The following COG5 variants were observed in gnomAD, a reference collection of about 807,000 sequenced individuals.
COG5 encodes the protein component of oligomeric golgi complex 5.
COG5 carries 86 observed loss-of-function variants against 110.4 expected under a neutral mutation model. That is an observed-to-expected ratio of 0.78 (90% CI 0.65 to 0.93). COG5 has a LOEUF of 0.93. COG5 is among the 40% of genes least tolerant of loss of function. The pLI is 0.00. For synonymous variants in COG5, 360 were observed against 334.6 expected (o/e 1.08, Z -0.83); for missense variants, 1,077 against 987.0 (o/e 1.09, Z -1.22).
chr7:107,236,756 C>T (rs1801224224), intron 17 of COG5, 69 bp from the exon 18 acceptor site: 7 of 963,314 alleles, frequency 7.3e-6, no homozygotes, highest in Non-Finnish European at 1.0e-5. Flanking sequence ...TTGTACCCCT[C>T]TCCCCACCAA....
chr7:107,364,382 G>A (rs771281570), intron 8 of COG5, among the ~76,000 whole-genome samples: 1 of 152,100 alleles, frequency 6.6e-6, no homozygotes. Flanking sequence ...TTTCAGTCAG[G>A]GGAAATCAAC....
intron 6 of COG5, among the ~76,000 whole-genome samples, chr7:107,517,741 A>G (rs1364956915): frequency 6.7e-6 from 1 of 149,268 alleles, no homozygotes; most frequent in Non-Finnish European, 1.5e-5. Context: ...TCTGTCGCCC[A>G]GGCTGCAGTG....
chr7:107,246,080 T>TG (rs1802033647), intron 17 of COG5, among the ~76,000 whole-genome samples: 1 of 152,194 alleles, frequency 6.6e-6, no homozygotes, highest in Non-Finnish European at 1.5e-5. Flanking sequence ...GACCATCTGA[T>TG]CTTCAACAAT....
intron 7 of COG5, among the ~76,000 whole-genome samples, chr7:107,391,708 T>A (rs202216928): frequency 4.6e-5 from 7 of 152,164 alleles, no homozygotes; most frequent in African/African-American, 1.7e-4. Context: ...GTGGGAGGAA[T>A]CTGCATTTTT....
intron 21 of COG5, among the ~76,000 whole-genome samples, chr7:107,205,446 T>G (rs1798699548): frequency 6.6e-6 from 1 of 152,188 alleles, no homozygotes; most frequent in Admixed American, 6.5e-5. Flanking sequence ...CCAAGTAATG[T>G]GCAAAGCATA....
At chr7:107,355,398 A>G (rs1413306678) in intron 10 of COG5, among the ~76,000 whole-genome samples, 1 of 152,230 alleles carries the variant, frequency 6.6e-6, no homozygotes, top group Admixed American at 6.5e-5. Context: ...TACAGTCAGC[A>G]AGCGCAACTC....
intron 14 of COG5, among the ~76,000 whole-genome samples, chr7:107,273,134 G>C (rs1343020839): frequency 6.6e-6 from 1 of 152,134 alleles, no homozygotes; most frequent in African/African-American, 2.4e-5. Context: ...ACTGCTGGTA[G>C]CTGGTGTCAC....
intron 6 of COG5, among the ~76,000 whole-genome samples, chr7:107,487,849 T>C (rs1797739882): frequency 6.6e-6 from 1 of 152,108 alleles, no homozygotes; most frequent in Non-Finnish European, 1.5e-5. Context: ...TGGCATTATG[T>C]CCATAATGTA....
chr7:107,370,242 C>T (rs1236594345), intron 8 of COG5, among the ~76,000 whole-genome samples: 3 of 152,058 alleles, frequency 2.0e-5, no homozygotes, highest in Non-Finnish European at 4.4e-5. Flanking sequence ...GAGCCATTCA[C>T]TCTCAGAAAC....
At chr7:107,390,734 A>G (rs1471926025) in intron 7 of COG5, among the ~76,000 whole-genome samples, 2 of 149,004 alleles carry the variant, frequency 1.3e-5, no homozygotes, top group Admixed American at 6.7e-5. Flanking sequence ...AATTATACTC[A>G]TGATTGTCTT....
intron 21 of COG5, 168 bp downstream of exon 21, chr7:107,210,358 C>T (rs1398289473): frequency 2.1e-6 from 3 of 1,436,590 alleles, no homozygotes; most frequent in Middle Eastern, 2.6e-4. Context: ...CCAACATTTC[C>T]AACTGCTGGT....
chr7:107,516,900 A>G (rs144443815), intron 6 of COG5, among the ~76,000 whole-genome samples: 1 of 152,222 alleles, frequency 6.6e-6, no homozygotes, highest in African/African-American at 2.4e-5. Flanking sequence ...AGATGAGGAA[A>G]AACCAGTGAA....
chr7:107,537,555 G>A (rs1198089870), intron 5 of COG5, among the ~76,000 whole-genome samples: 1 of 152,056 alleles, frequency 6.6e-6, no homozygotes, highest in Non-Finnish European at 1.5e-5. Flanking sequence ...CATGGACACA[G>A]GGAGGGGAAT....
At chr7:107,242,211 A>G (rs1801698172) in intron 17 of COG5, among the ~76,000 whole-genome samples, 5 of 152,210 alleles carry the variant, frequency 3.3e-5, no homozygotes, top group Admixed American at 3.3e-4. Context: ...CCAGGTACTC[A>G]GGGACTAATC....
rs751386696 is a variant in COG5, at chr7:107,410,519, C to G, written c.669+1983G>C. Among the ~76,000 whole-genome samples, 17 of 152,042 alleles carry G rather than the reference C, an allele frequency of 1.1e-4. No homozygotes were observed. In the East Asian group the frequency reaches 1.9e-3, roughly 17 times the overall value. On this transcript the variant is annotated intron_variant, in intron 7 of 21. Transcript: ENST00000297135. ...GTGTGATGGCAGGATCTCGGCTCACCGCAACCTCCGGCTCCTGGGTTTAAG... is the reference window on the plus strand; with the variant it reads ...GTGTGATGGCAGGATCTCGGCTCACGGCAACCTCCGGCTCCTGGGTTTAAG...
chr7:107,305,280 C>A (rs1403484038), intron 11 of COG5, among the ~76,000 whole-genome samples: 1 of 152,202 alleles, frequency 6.6e-6, no homozygotes, highest in Non-Finnish European at 1.5e-5. Context: ...AGTCAGCCTT[C>A]ATAGCTTAAT....
At chr7:107,248,642 C>T in intron 16 of COG5, 143 bp from the exon 17 acceptor site, 1 of 664,674 alleles carries the variant, frequency 1.5e-6, no homozygotes, top group South Asian at 1.7e-5. Context: ...GTCTGCTCCT[C>T]TCCCTAACCA....
chr7:107,434,579 T>C (rs1346454098), intron 6 of COG5, among the ~76,000 whole-genome samples: 2 of 151,434 alleles, frequency 1.3e-5, no homozygotes, highest in African/African-American at 2.4e-5. Context: ...CAAAAACCTA[T>C]TGAAATAAAA....
intron 10 of COG5, among the ~76,000 whole-genome samples, chr7:107,331,739 AT>A (rs1810264317): frequency 6.6e-6 from 1 of 152,136 alleles, no homozygotes; most frequent in South Asian, 2.1e-4. Context: ...CCAAAATAGA[AT>A]TTAAGAAGAA....
Sources: allele counts gnomAD v4.1 joint callset (sites outside exome capture counted in the v4.1 genomes callset), GRCh38; gene constraint gnomAD v4.1.1; transcripts MANE v1.5; gene names NCBI Gene and HGNC (gene_info 2026-07-23, HGNC 2026-07-21).